AKAP6: variants seen among roughly 807,000 people sequenced by gnomAD.
AKAP6 encodes A-kinase anchoring protein 6.
Under a neutral mutation model 188.5 loss-of-function variants are expected in AKAP6, and 58 were observed. That is an observed-to-expected ratio of 0.31 (90% confidence interval 0.25 to 0.38). The LOEUF is 0.38. Ranked by LOEUF, AKAP6 falls within the 10% of genes least tolerant of loss-of-function variation. The pLI is 1.00. For synonymous variants in AKAP6, 989 were observed against 998.6 expected, an observed-to-expected ratio of 0.99 and a Z score of 0.18; for missense variants, 2,710 against 2,740.0, an observed-to-expected ratio of 0.99 and a Z score of 0.24.
chr14:32,576,973 C>G, intron 4 of AKAP6, 147 bp from the exon 5 acceptor site: 1 of 870,074 alleles, frequency 1.1e-6, no homozygotes, highest in Non-Finnish European at 1.7e-6. Context: ...AATTCCATTA[C>G]AGCAAAGATG....
chr14:32,514,864 A>C (rs1479021330), intron 2 of AKAP6, among the ~76,000 whole-genome samples: 1 of 152,142 alleles, frequency 6.6e-6, no homozygotes, highest in Non-Finnish European at 1.5e-5. Context: ...AAACACAACA[A>C]AAAGGGCCTC....
At chr14:32,820,295 A>AT (rs2034488216) in intron 12 of AKAP6, among the ~76,000 whole-genome samples, 1 of 152,054 alleles carries the variant, frequency 6.6e-6, no homozygotes, top group African/African-American at 2.4e-5. Flanking sequence ...ATATATATAT[A>AT]TAATCTTTCT....
intron 1 of AKAP6, among the ~76,000 whole-genome samples, chr14:32,352,113 GT>G (rs1887304867): frequency 6.7e-6 from 1 of 149,690 alleles, no homozygotes; most frequent in East Asian, 2.0e-4. Context: ...TTGTGTGTGT[GT>G]GTGTGTGTGT....
chr14:32,778,255 G>C (rs1170020333), intron 12 of AKAP6, among the ~76,000 whole-genome samples: 1 of 152,120 alleles, frequency 6.6e-6, no homozygotes, highest in African/African-American at 2.4e-5. Context: ...AGGGAATGAA[G>C]AAGACTGAAA....
At chr14:32,726,109 T>C (rs1477691414) in intron 9 of AKAP6, 1 of 883,090 alleles carries the variant, frequency 1.1e-6, no homozygotes, top group Non-Finnish European at 1.4e-6. Context: ...TAAGGTTTTC[T>C]AGTTCCCACA....
chr14:32,569,939 A>G (rs1393049679), intron 4 of AKAP6, among the ~76,000 whole-genome samples: 1 of 152,030 alleles, frequency 6.6e-6, no homozygotes, highest in African/African-American at 2.4e-5. Context: ...CAATTAGTAG[A>G]GAAACGTGAT....
chr14:32,480,787 C>G (rs1879301832), intron 2 of AKAP6, among the ~76,000 whole-genome samples: 1 of 152,144 alleles, frequency 6.6e-6, no homozygotes, highest in Non-Finnish European at 1.5e-5. Context: ...CTTGGGCCTT[C>G]ATTTCTGCCC....
At chr14:32,746,358 G>A (rs894249400) in intron 11 of AKAP6, among the ~76,000 whole-genome samples, 2 of 152,244 alleles carry the variant, frequency 1.3e-5, no homozygotes, top group Admixed American at 1.3e-4. Flanking sequence ...GTTTTTCAGG[G>A]TTCAAAGGGT....
intron 2 of AKAP6, among the ~76,000 whole-genome samples, chr14:32,522,877 T>C (rs1385713376): frequency 6.6e-6 from 1 of 151,972 alleles, no homozygotes; most frequent in African/African-American, 2.4e-5. Context: ...CATGCACACG[T>C]TATGTTTAAT....
chr14:32,489,404 C>T (rs901973260), intron 2 of AKAP6, among the ~76,000 whole-genome samples: 2 of 152,010 alleles, frequency 1.3e-5, no homozygotes, highest in Non-Finnish European at 2.9e-5. Context: ...GAGATGATGT[C>T]TCTCTATGTT....
chr14:32,562,782 GATAA>G (rs1463526543), intron 4 of AKAP6, among the ~76,000 whole-genome samples: 2 of 152,104 alleles, frequency 1.3e-5, no homozygotes, highest in Non-Finnish European at 2.9e-5. Flanking sequence ...TAGGTAGATA[GATAA>G]ATAAATAAAG....
chr14:32,465,458 C>G (rs903020973), intron 2 of AKAP6, among the ~76,000 whole-genome samples: 1 of 152,028 alleles, frequency 6.6e-6, no homozygotes, highest in African/African-American at 2.4e-5. Context: ...AACTGATCTT[C>G]GACAAACCTG....
At chr14:32,718,384 G>T (rs982495591) in intron 9 of AKAP6, 5 of 958,950 alleles carry the variant, frequency 5.2e-6, no homozygotes, top group Middle Eastern at 5.3e-4. Context: ...ACAAATATGG[G>T]TAGGTACCCA....
intron 7 of AKAP6, among the ~76,000 whole-genome samples, chr14:32,636,419 T>C (rs1444061476): frequency 6.6e-6 from 1 of 152,144 alleles, no homozygotes; most frequent in Non-Finnish European, 1.5e-5. Flanking sequence ...TCAAGGCAGC[T>C]AAATTAGATG....
intron 8 of AKAP6, among the ~76,000 whole-genome samples, chr14:32,681,083 C>A (rs1226789724): frequency 3.9e-5 from 6 of 152,104 alleles, no homozygotes; most frequent in African/African-American, 1.4e-4. Context: ...TTATCAGTTG[C>A]CTTTTTTTCA....
chr14:32,814,070 A>C (rs980796243), intron 12 of AKAP6, among the ~76,000 whole-genome samples: 1 of 151,814 alleles, frequency 6.6e-6, no homozygotes, highest in African/African-American at 2.4e-5. Context: ...ACAGGGCCAC[A>C]CTCCTAATTT....
At chr14:32,652,806 A>G (rs1000273816) in intron 7 of AKAP6, among the ~76,000 whole-genome samples, 2 of 152,104 alleles carry the variant, frequency 1.3e-5, no homozygotes, top group African/African-American at 4.8e-5. Flanking sequence ...TAATCCCAAC[A>G]CTTTGGGAGG....
intron 12 of AKAP6, among the ~76,000 whole-genome samples, chr14:32,774,727 A>G (rs573663378): frequency 2.7e-4 from 41 of 150,080 alleles, no homozygotes; most frequent in Non-Finnish European, 5.3e-4. Flanking sequence ...CCCATGTTTG[A>G]CTTATATAAA....
At chr14:32,498,183 A>G (rs1880427259) in intron 2 of AKAP6, among the ~76,000 whole-genome samples, 1 of 152,270 alleles carries the variant, frequency 6.6e-6, no homozygotes, top group South Asian at 2.1e-4. Context: ...AGCCCACATA[A>G]TGCAAGATTT....
Sources: gnomAD v4.1 joint callset for allele counts (sites outside exome capture counted in the v4.1 genomes callset) on GRCh38, gnomAD v4.1.1 for gene constraint, MANE v1.5 for transcripts, NCBI Gene and HGNC (gene_info 2026-07-23, HGNC 2026-07-21) for gene names.